Variants in INPP4B observed in about 807,000 individuals in gnomAD.
INPP4B encodes the protein inositol polyphosphate 4-phosphatase type II.
A neutral mutation model predicts 122.5 loss-of-function variants in INPP4B; 55 were observed. That is an observed-to-expected ratio of 0.45 (90% confidence interval 0.36 to 0.56). The LOEUF (loss-of-function observed/expected upper bound fraction) is 0.56. Ranked by LOEUF, INPP4B falls within the 20% of genes least tolerant of loss-of-function variation. The probability of loss-of-function intolerance (pLI) is 0.00; values close to 1 mark genes in which losing one functional copy is unlikely to be tolerated. For synonymous variants in INPP4B, 403 were observed against 388.7 expected (o/e 1.04, Z -0.43); for missense variants, 1,000 against 1,097.7 (o/e 0.91, Z 1.26).
At chr4:142,694,221 A>T (rs919409872) in intron 2 of INPP4B, among the ~76,000 whole-genome samples, 3 of 151,880 alleles carry the variant, frequency 2.0e-5, no homozygotes, top group Non-Finnish European at 4.4e-5. Context: ...AAAAATACAA[A>T]AATTAGTCAG....
intron 2 of INPP4B, among the ~76,000 whole-genome samples, chr4:142,708,028 C>T (rs1248321331): frequency 6.6e-6 from 1 of 152,170 alleles, no homozygotes; most frequent in Non-Finnish European, 1.5e-5. Flanking sequence ...GCAGAGGCCA[C>T]TTTTGTTATG....
intron 21 of INPP4B, among the ~76,000 whole-genome samples, chr4:142,121,098 A>G (rs754755536): frequency 1.3e-5 from 2 of 152,122 alleles, no homozygotes; most frequent in Non-Finnish European, 2.9e-5. Context: ...TTTTGATAGT[A>G]AACTTGAGAG....
chr4:142,046,585 A>G (rs1032897252), intron 25 of INPP4B, among the ~76,000 whole-genome samples: 4 of 152,170 alleles, frequency 2.6e-5, no homozygotes, highest in Admixed American at 6.6e-5. Flanking sequence ...ATCCAAACTG[A>G]GTAGAGGCTA....
intron 2 of INPP4B, among the ~76,000 whole-genome samples, chr4:142,588,139 G>C (rs922508546): frequency 1.3e-5 from 2 of 151,790 alleles, no homozygotes; most frequent in African/African-American, 2.4e-5. Context: ...ACTCTCAGCA[G>C]AGTAGTAACA....
At chr4:142,254,989 G>C (rs961753310) in intron 11 of INPP4B, among the ~76,000 whole-genome samples, 15 of 152,314 alleles carry the variant, frequency 9.8e-5, no homozygotes, top group African/African-American at 3.6e-4. Flanking sequence ...AAGCCCATCA[G>C]ACTAACAGCG....
chr4:142,142,875 C>T (rs948981965), intron 18 of INPP4B, among the ~76,000 whole-genome samples: 11 of 151,824 alleles, frequency 7.2e-5, no homozygotes, highest in South Asian at 2.1e-4. Context: ...GGAGTTTTAC[C>T]CCAAAATATG....
chr4:142,474,324 G>A lies in INPP4B; in HGVS notation c.-190-11598C>T, dbSNP rs2149705859. ...AGGAGACATTCAGACAGCAGGGTAA[G>A]TGACCCTGCCCTTGCCTCAAACTGC... is the stretch of plus-strand genomic sequence containing the variant. On this transcript the variant is annotated intron_variant, in intron 2 of 25. Coordinates refer to ENST00000262992, the MANE Select transcript of INPP4B (RefSeq NM_001101669.3). The A allele has an allele frequency of 1.3e-5, 2 of 152,350 alleles. 1 individual carries two copies. The highest frequency in any genetic ancestry group is 4.1e-4 in the South Asian group (2 of 4,826). 9.4% of individuals were successfully genotyped at this position (152,350 alleles called of 1,614,324 possible). A position where few individuals can be genotyped will look rare whatever the true frequency, so the allele number is the denominator to read the frequency against.
chr4:142,733,508 C>T (rs372271339), intron 1 of INPP4B, among the ~76,000 whole-genome samples: 10 of 151,996 alleles, frequency 6.6e-5, no homozygotes, highest in African/African-American at 2.2e-4. Flanking sequence ...TTCAAATTTT[C>T]AATAAACATC....
chr4:142,595,577 T>C (rs1051897377), intron 2 of INPP4B, among the ~76,000 whole-genome samples: 4 of 152,202 alleles, frequency 2.6e-5, no homozygotes, highest in African/African-American at 9.6e-5. Context: ...TTGGTTTTTT[T>C]GAGAAGAAGA....
chr4:142,037,595 G>T (rs756051770), intron 25 of INPP4B, among the ~76,000 whole-genome samples: 1 of 152,156 alleles, frequency 6.6e-6, no homozygotes, highest in Non-Finnish European at 1.5e-5. Flanking sequence ...ATGATAAAAT[G>T]AGAACATTTC....
At chr4:142,749,595 C>A (rs1382125182) in intron 1 of INPP4B, among the ~76,000 whole-genome samples, 1 of 151,758 alleles carries the variant, frequency 6.6e-6, no homozygotes, top group Admixed American at 6.6e-5. Context: ...TCCAGTTCAC[C>A]TTAAAATATA....
chr4:142,699,807 T>G (rs576932249), intron 2 of INPP4B, among the ~76,000 whole-genome samples: 8 of 152,316 alleles, frequency 5.3e-5, no homozygotes, highest in Non-Finnish European at 5.9e-5. Context: ...TCTGCACTTG[T>G]ATATCTTGCC....
At chr4:142,185,267 A>T (rs1346175824) in intron 15 of INPP4B, among the ~76,000 whole-genome samples, 14 of 152,084 alleles carry the variant, frequency 9.2e-5, no homozygotes, top group Non-Finnish European at 1.8e-4. Flanking sequence ...AACCCCCAAA[A>T]GAAGCAAGTT....
chr4:142,128,067 A>G (rs935591003), intron 18 of INPP4B, among the ~76,000 whole-genome samples: 10 of 152,088 alleles, frequency 6.6e-5, no homozygotes, highest in Non-Finnish European at 1.0e-4. Flanking sequence ...AAAAAACCCA[A>G]GCTTCAGCTC....
At chr4:142,325,108 C>T (rs141074819) in intron 7 of INPP4B, among the ~76,000 whole-genome samples, 137 of 152,242 alleles carry the variant, frequency 9.0e-4, no homozygotes, top group African/African-American at 2.3e-3. Flanking sequence ...GATAGCTTAA[C>T]GGTGCTTTCA....
intron 2 of INPP4B, among the ~76,000 whole-genome samples, chr4:142,505,229 ACT>A (rs1252697294): frequency 6.7e-6 from 1 of 149,584 alleles, no homozygotes; most frequent in African/African-American, 2.5e-5. Flanking sequence ...ACAGAGAGAG[ACT>A]CTGTCTATTA....
In INPP4B at chr4:142,095,339, G is replaced by A. The variant is rs144715834; in HGVS notation, c.2375-9083C>T. ...AGAGTGCTATGCCAAATAGCTGAGTGAATTACAGAGTTGGAAAAGTGGATC... is the reference window on the plus strand; with the variant it reads ...AGAGTGCTATGCCAAATAGCTGAGTAAATTACAGAGTTGGAAAAGTGGATC... On this transcript the variant is annotated intron_variant, in intron 23 of 25. Transcript: ENST00000262992. Among the ~76,000 whole-genome samples, 90 of 152,282 alleles carry A rather than the reference G, an allele frequency of 5.9e-4. 1 individual carries two copies. The highest frequency in any genetic ancestry group is 2.0e-3 in the African/African-American group (85 of 41,572).
chr4:142,335,945 C>T (rs1210510149), intron 7 of INPP4B, among the ~76,000 whole-genome samples: 3 of 152,176 alleles, frequency 2.0e-5, no homozygotes, highest in African/African-American at 2.4e-5. Flanking sequence ...GTACAGTCCA[C>T]GACCTAGTGA....
intron 23 of INPP4B, among the ~76,000 whole-genome samples, chr4:142,104,069 A>G (rs1429962329): frequency 6.6e-6 from 1 of 152,094 alleles, no homozygotes; most frequent in Non-Finnish European, 1.5e-5. Context: ...TTATGGTACA[A>G]TTTCATTAGA....
Sources: allele counts gnomAD v4.1 joint callset (sites outside exome capture counted in the v4.1 genomes callset), GRCh38; gene constraint gnomAD v4.1.1; transcripts MANE v1.5; gene names NCBI Gene and HGNC (gene_info 2026-07-23, HGNC 2026-07-21).